PRRC2A: variants seen among roughly 807,000 people sequenced by gnomAD.
PRRC2A encodes protein PRRC2A.
A neutral mutation model predicts 224.6 loss-of-function variants in PRRC2A; 59 were observed. The ratio of observed to expected loss-of-function variants is 0.26; its 90% CI spans 0.21 to 0.33. The LOEUF is 0.33. Among genes scored for constraint, PRRC2A ranks in the 10% least tolerant of loss-of-function variants. The pLI is 1.00. For synonymous variants in PRRC2A, 1,194 were observed against 1,109.5 expected (o/e 1.08, Z -1.51); for missense variants, 3,095 against 2,880.7 (o/e 1.07, Z -1.70).
Position 31,635,160 on chromosome 6 carries a change from C to T in PRRC2A, c.5189C>T (p.Pro1730Leu), listed in dbSNP as rs767406662. 6.2e-7 allele frequency: 1 copy of T among 1,612,688 alleles called. No homozygotes were observed. The change falls in exon 22 of 31, where the codon CCT (proline) becomes CTT (leucine). Residue 1730 changes from proline (P) to leucine (L), a missense_variant. Coordinates refer to ENST00000376033, the MANE Select transcript of PRRC2A (RefSeq NM_004638.4). Reference sequence around the variant, plus strand: ...CTGCCCCGGGAGCAGCCTCTGCCCCCTGGCCCCATTGGCACAGAACGATCA... The same window carrying T: ...CTGCCCCGGGAGCAGCCTCTGCCCCTTGGCCCCATTGGCACAGAACGATCA... ...KELPREQPLP[P>L]GPIGTERSQR... is the part of the protein sequence containing the mutation.
At position 31,628,259 on chromosome 6, in the gene PRRC2A, T is replaced by C; in HGVS notation, c.1765+20T>C. ...GCCCAGGTATGGAGATGGGGATAGG[T>C]ACTACCAGATGTCAGATCACTGCTT... On this transcript the variant is annotated intron_variant, in intron 12 of 30. Coordinates refer to ENST00000376033, the MANE Select transcript of PRRC2A (RefSeq NM_004638.4). 1 of 1,593,958 alleles carries C rather than the reference T, an allele frequency of 6.3e-7. No homozygotes were observed. Among genetic ancestry groups the C allele is most frequent in the Non-Finnish European group, 8.5e-7 (1 of 1,172,574 alleles).
Position 31,631,043 on chromosome 6 carries a change from T to A in PRRC2A, c.2466-96T>A. Reference sequence around the variant, plus strand: ...TCTGCCAAAACAAACAGAAAAATAGTAAAAGAGAGTCTGCATCATAATAAA... The same window carrying A: ...TCTGCCAAAACAAACAGAAAAATAGAAAAAGAGAGTCTGCATCATAATAAA... On this transcript the variant is annotated intron_variant, in intron 15 of 30. Coordinates refer to ENST00000376033, the MANE Select transcript of PRRC2A (RefSeq NM_004638.4). This position sits in a 1 kb window ranked among gnomAD's most constrained non-coding sequence, Gnocchi z 4.5. 1 of 1,326,508 alleles carries A rather than the reference T, an allele frequency of 7.5e-7. No homozygotes were observed. 82.2% of individuals were successfully genotyped at this position (1,326,508 alleles called of 1,614,324 possible). A position where few individuals can be genotyped will look rare whatever the true frequency, so the allele number is the denominator to read the frequency against.
chr6:31,635,566 G>T lies in PRRC2A; in HGVS notation c.5374-16G>T, dbSNP rs377719603. On this transcript the variant is annotated splice_polypyrimidine_tract_variant and intron_variant, in intron 23 of 30. Coordinates refer to ENST00000376033, the MANE Select transcript of PRRC2A (RefSeq NM_004638.4). ...GGATGCCAGACATCCCTCTCCACGA[G>T]GCCTCTCCTTCCCAGGCCATTCCTG... 13 of 1,610,854 alleles carry T rather than the reference G, an allele frequency of 8.1e-6. No homozygotes were observed. In the East Asian group the frequency reaches 8.9e-5, roughly 11 times the overall value.
rs1269864612 is a variant in PRRC2A, at chr6:31,637,554, G to T, written c.6442G>T (p.Asp2148Tyr). 1 of 1,591,620 alleles carries T rather than the reference G, an allele frequency of 6.3e-7. No homozygotes were observed. The highest frequency in any genetic ancestry group is 8.5e-7 in the Non-Finnish European group (1 of 1,169,952). ...RRAEEPGSRG[D>Y]KEPGLPPPR Reference sequence around the variant, plus strand: ...GGCAGAGGAGCCTGGGTCCCGAGGGGACAAGGAGCCTGGGTTGCCCCCACC... The same window carrying T: ...GGCAGAGGAGCCTGGGTCCCGAGGGTACAAGGAGCCTGGGTTGCCCCCACC... The change falls in exon 31 of 31, where the codon GAC becomes TAC. Residue 2148 changes from aspartate to tyrosine, a missense_variant. Asp to Tyr is a radical substitution (Grantham distance 160). Coordinates refer to ENST00000376033, the MANE Select transcript of PRRC2A (RefSeq NM_004638.4).
chr6:31,631,128 T>C lies in PRRC2A; in HGVS notation c.2466-11T>C. 6.8e-7 allele frequency: 1 copy of C among 1,477,638 alleles called. No individual in the cohort carries two copies. The highest frequency in any genetic ancestry group is 2.3e-5 in the Admixed American group (1 of 43,726). 91.5% of individuals were successfully genotyped at this position (1,477,638 alleles called of 1,614,324 possible). On this transcript the variant is annotated splice_polypyrimidine_tract_variant and intron_variant, in intron 15 of 30. Coordinates refer to ENST00000376033, the MANE Select transcript of PRRC2A (RefSeq NM_004638.4). This position sits in a 1 kb window ranked among gnomAD's most constrained non-coding sequence, Gnocchi z 4.5. ...GATACTTATTTCCATTCTTTCTGTC[T>C]GTCTCTTCAGGAGCGAGACTCCTCC... is the stretch of plus-strand genomic sequence containing the variant.
Position 31,631,523 on chromosome 6 carries a change from G to T in PRRC2A, c.2850G>T (p.Gly950=), listed in dbSNP as rs774490424. Residue 950 remains glycine, a synonymous_variant, in exon 16 of 31, where the codon GGG becomes GGT. Coordinates refer to ENST00000376033, the MANE Select transcript of PRRC2A (RefSeq NM_004638.4). The surrounding 1 kb of genome is among the most constrained non-coding windows in gnomAD (Gnocchi z 4.5). ...EEPGAPPRRA[G]PIKKPPPPTK... is the part of the protein sequence containing the mutation. ...CAGGGGCCCCACCCCGCCGGGCTGG[G>T]CCTATAAAGAAACCTCCACCACCTA... The T allele has an allele frequency of 1.3e-6, 2 of 1,597,492 alleles. No individual in the cohort carries two copies. The highest frequency in any genetic ancestry group is 1.8e-5 in the Admixed American group (1 of 55,070).
rs1674228198 is a variant in PRRC2A, at chr6:31,627,994, A to T, written c.1520A>T (p.Glu507Val). ...FGAPDKRLKA[E>V]PAAPPAAPST... is the part of the protein sequence containing the mutation. ...GCACCTGACAAGCGGCTCAAAGCAG[A>T]GCCTGCTGCCCCACCTGCTGCCCCT... The change falls in exon 12 of 31, where the codon GAG becomes GTG. Residue 507 changes from glutamate (E) to valine (V), a missense_variant. Physicochemically the swap from Glu to Val is moderately radical, Grantham distance 121. Around this residue, in one of 8 missense-constraint regions of PRRC2A, gnomAD observed 2,001 missense variants for 1,764.9 expected, o/e 1.13. Coordinates refer to ENST00000376033, the MANE Select transcript of PRRC2A (RefSeq NM_004638.4). The surrounding 1 kb of genome is among the most constrained non-coding windows in gnomAD (Gnocchi z 5.6). The T allele has an allele frequency of 3.1e-6, 5 of 1,612,466 alleles. No homozygotes were observed. The highest frequency in any genetic ancestry group is 4.2e-6 in the Non-Finnish European group (5 of 1,179,890).
At position 31,628,835 on chromosome 6, in the gene PRRC2A, T is replaced by A. The variant is rs377275495; in HGVS notation, c.1766-309T>A. On this transcript the variant is annotated intron_variant, in intron 12 of 30. Coordinates refer to ENST00000376033, the MANE Select transcript of PRRC2A (RefSeq NM_004638.4). ...CAGCCTGGGTGACAGAGCAAGACTC[T>A]GTCTCAAAAAAAAATCCTGTCTCAC... 4.4e-5 allele frequency: 16 copies of A among 359,820 alleles called. No homozygotes were observed. In the East Asian group the frequency reaches 6.5e-4, roughly 15 times the overall value. 22.3% of individuals were successfully genotyped at this position (359,820 alleles called of 1,614,324 possible).
chr6:31,625,449 C>T lies in PRRC2A; in HGVS notation c.608-11C>T, dbSNP rs1381694295. ...TCATTGATACCTCTCTCTACCTTTTCCAAAATACAGATTCTACAACTTGGA... is the reference window on the plus strand; with the variant it reads ...TCATTGATACCTCTCTCTACCTTTTTCAAAATACAGATTCTACAACTTGGA... On this transcript the variant is annotated splice_polypyrimidine_tract_variant and intron_variant, in intron 6 of 30. Coordinates refer to ENST00000376033, the MANE Select transcript of PRRC2A (RefSeq NM_004638.4). This position sits in a 1 kb window ranked among gnomAD's most constrained non-coding sequence, Gnocchi z 4.1. 2 of 1,602,696 alleles carry T rather than the reference C, an allele frequency of 1.2e-6. No individual in the cohort carries two copies. Among genetic ancestry groups the T allele is most frequent in the Non-Finnish European group, 1.7e-6 (2 of 1,170,980 alleles).
At chr6:31,633,814 C>T (rs778774287) in intron 17 of PRRC2A, 45 bp from the exon 18 acceptor site, 3 of 1,551,620 alleles carry the variant, frequency 1.9e-6, no homozygotes, top group Admixed American at 4.4e-5. Flanking sequence ...AAGTTAGGGT[C>T]AGTGGCAGAG....
intron 10 of PRRC2A, 48 bp from the exon 11 acceptor site, chr6:31,626,934 G>T (rs763468162): frequency 2.2e-5 from 35 of 1,613,098 alleles, no homozygotes; most frequent in African/African-American, 2.7e-5. Context: ...TCTTAGAGGA[G>T]TATATTAGTT....
In PRRC2A at chr6:31,625,507, G is replaced by C. The variant is rs1775803077; in HGVS notation, c.655G>C (p.Glu219Gln). 1 of 1,584,268 alleles carries C rather than the reference G, an allele frequency of 6.3e-7. No individual in the cohort carries two copies. The stretch of plus-strand genomic sequence containing the variant: ...AGGTGGGCGTGGCCCTGATGAGCTG[G>C]AGGGCCCGGACTCCAAACTTCATCA... ...DGGGRGPDEL[E>Q]GPDSKLHHGH... Residue 219 changes from glutamate to glutamine, a missense_variant, in exon 7 of 31, where the codon GAG (glutamate) becomes CAG (glutamine). Physicochemically the swap from Glu to Gln is conservative, Grantham distance 29. This residue lies in a region of PRRC2A where 287 missense variants were observed against 275.3 expected (regional missense o/e 1.04). Coordinates refer to ENST00000376033, the MANE Select transcript of PRRC2A (RefSeq NM_004638.4). This position sits in a 1 kb window ranked among gnomAD's most constrained non-coding sequence, Gnocchi z 4.1.
In PRRC2A at chr6:31,631,593, G is replaced by C. The variant is rs115591494; in HGVS notation, c.2920G>C (p.Glu974Gln). ...TCCCAAGCCCCTCGAACAGGGGGAT[G>C]AAACCCCCAAACCCCCAAAGCCAGA... ...LPPKPLEQGD[E>Q]TPKPPKPDPL... The change falls in exon 16 of 31, where the codon GAA becomes CAA. Residue 974 changes from glutamate to glutamine, a missense_variant. By Grantham distance (29) the Glu-to-Gln change is conservative. Transcript: ENST00000376033. This position sits in a 1 kb window ranked among gnomAD's most constrained non-coding sequence, Gnocchi z 4.5. 1.4e-3 allele frequency: 2,123 copies of C among 1,558,000 alleles called. 5 individuals are homozygous for C. Among genetic ancestry groups the C allele is most frequent in the African/African-American group, 6.5e-3 (470 of 72,430 alleles).
rs765633393 is a variant in PRRC2A, at chr6:31,632,587, A to G, written c.3914A>G (p.Lys1305Arg). The G allele has an allele frequency of 1.3e-5, 21 of 1,612,996 alleles. No individual in the cohort carries two copies. Among genetic ancestry groups the G allele is most frequent in the East Asian group, 8.9e-5 (4 of 44,878 alleles). Residue 1305 changes from lysine to arginine, a missense_variant, in exon 16 of 31, where the codon AAG (lysine) becomes AGG (arginine). This residue lies in a region of PRRC2A where 2,001 missense variants were observed against 1,764.9 expected (regional missense o/e 1.13). Transcript: ENST00000376033. Reference protein sequence around the residue: ...VAPAPRRAAAKSPDLSNQNSD... With the variant: ...VAPAPRRAAARSPDLSNQNSD... Reference sequence around the variant, plus strand: ...CCAGCACCTCGCCGGGCAGCTGCCAAGTCTCCTGATCTGTCAAACCAGAAC... The same window carrying G: ...CCAGCACCTCGCCGGGCAGCTGCCAGGTCTCCTGATCTGTCAAACCAGAAC...
In PRRC2A at chr6:31,637,540, C is replaced by T. The variant is rs1387105749; in HGVS notation, c.6428C>T (p.Pro2143Leu). 3.8e-6 allele frequency: 6 copies of T among 1,593,090 alleles called. No homozygotes were observed. Among genetic ancestry groups the T allele is most frequent in the South Asian group, 1.1e-5 (1 of 88,772 alleles). ...GGGCCCTCCCGACGGGCAGAGGAGC[C>T]TGGGTCCCGAGGGGACAAGGAGCCT... ...REGPSRRAEE[P>L]GSRGDKEPGL... Residue 2143 changes from proline to leucine, a missense_variant, in exon 31 of 31, where the codon CCT becomes CTT. Pro to Leu is a moderately conservative substitution (Grantham distance 98). Coordinates refer to ENST00000376033, the MANE Select transcript of PRRC2A (RefSeq NM_004638.4).
chr6:31,633,191 T>C (rs1051090984), intron 16 of PRRC2A, among the ~76,000 whole-genome samples, 188 bp from the exon 17 acceptor site: 1 of 152,214 alleles, frequency 6.6e-6, no homozygotes, highest in Non-Finnish European at 1.5e-5. Flanking sequence ...CACCCACCTA[T>C]GTATTCATTG....
At chr6:31,629,397 C>G in intron 13 of PRRC2A, 63 bp downstream of exon 13, 2 of 1,516,332 alleles carry the variant, frequency 1.3e-6, no homozygotes, top group Non-Finnish European at 1.8e-6. Flanking sequence ...CCCTAATTCT[C>G]TTCATAAGTT....
chr6:31,627,671 C>T lies in PRRC2A; in HGVS notation c.1291-94C>T. The T allele has an allele frequency of 6.8e-7, 1 of 1,476,594 alleles. No homozygotes were observed. Among genetic ancestry groups the T allele is most frequent in the South Asian group, 1.3e-5 (1 of 76,106 alleles). 91.5% of individuals were successfully genotyped at this position (1,476,594 alleles called of 1,614,324 possible). Reference sequence around the variant, plus strand: ...AACCCCAAAGCCTGGGTCGTTGCATCCTGCAAGTAGCGACAGTTGATTTGT... The same window carrying T: ...AACCCCAAAGCCTGGGTCGTTGCATTCTGCAAGTAGCGACAGTTGATTTGT... On this transcript the variant is annotated intron_variant, in intron 11 of 30. Coordinates refer to ENST00000376033, the MANE Select transcript of PRRC2A (RefSeq NM_004638.4). This position sits in a 1 kb window ranked among gnomAD's most constrained non-coding sequence, Gnocchi z 5.6.
intron 1 of PRRC2A, 51 bp downstream of exon 1, chr6:31,620,909 T>TGGTGGCGGTGGCGGTGGCGGTGGC (rs28986177): frequency 6.5e-6 from 1 of 154,138 alleles, no homozygotes; most frequent in African/African-American, 2.4e-5. Context: ...GCGGGAGAGG[T>TGGTGGCGGTGGCGGTGGCGGTGGC]GGTGGCGGTG....
Sources: gnomAD v4.1 joint callset for allele counts (sites outside exome capture counted in the v4.1 genomes callset) on GRCh38, gnomAD v4.1.1 for gene constraint, gnomAD v4.1.1 regional missense constraint, Gnocchi (gnomAD v3.1) non-coding constraint, MANE v1.5 for transcripts, NCBI Gene and HGNC (gene_info 2026-07-23, HGNC 2026-07-21) for gene names.